The following WNT2 variants were observed in gnomAD, a reference collection of about 807,000 sequenced individuals.
WNT2 encodes the protein Wnt family member 2, also known as protein Wnt-2.
In WNT2, 12 loss-of-function variants were observed where a neutral mutation model predicts 36.9. That is an observed-to-expected ratio of 0.33 (90% confidence interval 0.21 to 0.53). The LOEUF (loss-of-function observed/expected upper bound fraction) is 0.53. Among genes scored for constraint, WNT2 ranks in the 20% least tolerant of loss-of-function variants. WNT2 has a pLI of 0.95. For synonymous variants in WNT2, 163 were observed against 174.6 expected, an observed-to-expected ratio of 0.93 and a Z score of 0.52; for missense variants, 379 against 473.1, an observed-to-expected ratio of 0.80 and a Z score of 1.84.
At chr7:117,299,946 G>A (rs1028637956) in intron 3 of WNT2, among the ~76,000 whole-genome samples, 3 of 152,166 alleles carry the variant, frequency 2.0e-5, no homozygotes, top group South Asian at 4.2e-4. Flanking sequence ...GTGGTGACAG[G>A]ATCATCTGTG....
intron 3 of WNT2, among the ~76,000 whole-genome samples, chr7:117,308,962 T>C (rs1031155337): frequency 5.9e-5 from 9 of 151,568 alleles, no homozygotes; most frequent in African/African-American, 2.2e-4. Context: ...GGCAGGAGGA[T>C]CACTTGGGCC....
At position 117,312,334 on chromosome 7, in the gene WNT2, G is replaced by A. The variant is rs566843460; in HGVS notation, c.588+2737C>T. Among the ~76,000 whole-genome samples, 54 of 152,094 alleles carry A rather than the reference G, an allele frequency of 3.6e-4. 1 individual carries two copies. The East Asian group carries it at 9.1e-3, about 26-fold the overall frequency. ...GCTGAATAGCTGTGGTAGTAGAACT[G>A]CCACACCTGGCTAATTTTTTATATT... On this transcript the variant is annotated intron_variant, in intron 3 of 4. Coordinates refer to ENST00000265441, the MANE Select transcript of WNT2 (RefSeq NM_003391.3).
At chr7:117,287,651 T>G (rs1794610800) in intron 4 of WNT2, among the ~76,000 whole-genome samples, 1 of 152,204 alleles carries the variant, frequency 6.6e-6, no homozygotes, top group Admixed American at 6.5e-5. Context: ...TCAACACATA[T>G]GTGCTGATTT....
intron 4 of WNT2, among the ~76,000 whole-genome samples, chr7:117,286,914 G>T (rs1794591475): frequency 6.6e-6 from 1 of 152,190 alleles, no homozygotes; most frequent in African/African-American, 2.4e-5. Flanking sequence ...ACTCTGTGAG[G>T]CTTTCCATAT....
intron 4 of WNT2, 63 bp downstream of exon 4, chr7:117,297,549 T>C: frequency 6.5e-7 from 1 of 1,540,236 alleles, no homozygotes; most frequent in Non-Finnish European, 8.8e-7. Flanking sequence ...GAACCTCATT[T>C]AAATTGTGGA....
chr7:117,291,516 T>A lies in WNT2; in HGVS notation c.853+6096A>T, dbSNP rs368736152. On this transcript the variant is annotated intron_variant, in intron 4 of 4. Transcript: ENST00000265441. ...CAGATGCCTGGAGCAGTAACCAGAG[T>A]AGATAACTATAGAGCCACCAGGATA... 2.8e-4 allele frequency among the ~76,000 whole-genome samples: 42 copies of A among 152,158 alleles called. No homozygotes were observed. In the South Asian group the frequency reaches 8.7e-3, roughly 32 times the overall value.
chr7:117,299,711 G>T (rs979696830), intron 3 of WNT2, among the ~76,000 whole-genome samples: 1 of 151,954 alleles, frequency 6.6e-6, no homozygotes, highest in Non-Finnish European at 1.5e-5. Flanking sequence ...GCTGAGGCTG[G>T]TCCCTAAGTC....
chr7:117,312,148 TTTTGTTTG>T (rs760888080), intron 3 of WNT2, among the ~76,000 whole-genome samples: 5 of 152,114 alleles, frequency 3.3e-5, no homozygotes, highest in Admixed American at 1.3e-4. Flanking sequence ...GAACTAACTT[TTTTGTTTG>T]TTTGTTTGTT....
intron 4 of WNT2, among the ~76,000 whole-genome samples, chr7:117,279,505 G>A (rs1478769609): frequency 2.6e-5 from 4 of 152,192 alleles, no homozygotes; most frequent in Admixed American, 2.6e-4. Context: ...CCACTTAGTT[G>A]CTGTTGGCAG....
intron 3 of WNT2, among the ~76,000 whole-genome samples, chr7:117,311,570 A>T (rs1333724537): frequency 6.6e-6 from 1 of 152,258 alleles, no homozygotes; most frequent in Non-Finnish European, 1.5e-5. Flanking sequence ...AACATTTGAC[A>T]GTATTTTATC....
intron 4 of WNT2, among the ~76,000 whole-genome samples, chr7:117,281,858 C>T (rs930528535): frequency 3.3e-5 from 5 of 151,902 alleles, no homozygotes; most frequent in Admixed American, 2.0e-4. Flanking sequence ...CTGGCGCCCT[C>T]GATGAGAGCA....
intron 3 of WNT2, among the ~76,000 whole-genome samples, chr7:117,304,819 A>G (rs915547982): frequency 1.3e-5 from 2 of 152,068 alleles, no homozygotes; most frequent in African/African-American, 4.8e-5. Context: ...GTTTTCTCTC[A>G]TCTTTTCAAT....
At chr7:117,311,749 G>T (rs1795125912) in intron 3 of WNT2, among the ~76,000 whole-genome samples, 1 of 152,104 alleles carries the variant, frequency 6.6e-6, no homozygotes. Flanking sequence ...TCACAAAAGG[G>T]AAAGGAACTT....
At chr7:117,279,498 C>G (rs1025397351) in intron 4 of WNT2, among the ~76,000 whole-genome samples, 3 of 152,186 alleles carry the variant, frequency 2.0e-5, no homozygotes, top group African/African-American at 7.2e-5. Flanking sequence ...ACTATTGCCA[C>G]TTAGTTGCTG....
intron 3 of WNT2, among the ~76,000 whole-genome samples, chr7:117,301,612 T>A (rs577932680): frequency 6.6e-4 from 100 of 152,284 alleles, no homozygotes; most frequent in Non-Finnish European, 1.2e-3. Context: ...TCTATGCTTA[T>A]GAAAACCTGC....
chr7:117,289,945 T>C (rs937181166), intron 4 of WNT2, among the ~76,000 whole-genome samples: 4 of 152,132 alleles, frequency 2.6e-5, no homozygotes, highest in African/African-American at 9.7e-5. Context: ...GTGTAAGGAA[T>C]GACTCGCAGG....
In WNT2 at chr7:117,278,068, C is replaced by A; in HGVS notation, c.*87G>T. The A allele has an allele frequency of 6.9e-7, 1 of 1,457,104 alleles. No homozygotes were observed. Among genetic ancestry groups the A allele is most frequent in the Non-Finnish European group, 9.5e-7 (1 of 1,053,950 alleles). 90.3% of individuals were successfully genotyped at this position (1,457,104 alleles called of 1,614,324 possible). ...AGGCCACATGCCTTAGGAAATATCC[C>A]CCCAGAAAGAACCCAAAGGTCCAGT... is the stretch of plus-strand genomic sequence containing the variant. On this transcript the variant is annotated 3_prime_UTR_variant, in exon 5 of 5. Coordinates refer to ENST00000265441, the MANE Select transcript of WNT2 (RefSeq NM_003391.3).
intron 4 of WNT2, among the ~76,000 whole-genome samples, 195 bp downstream of exon 4, chr7:117,297,417 A>G (rs1262450382): frequency 6.6e-6 from 1 of 151,960 alleles, no homozygotes; most frequent in East Asian, 1.9e-4. Context: ...CAATCTGCCC[A>G]TTTCGGCCTC....
chr7:117,292,113 C>T (rs1017327478), intron 4 of WNT2, among the ~76,000 whole-genome samples: 7 of 152,124 alleles, frequency 4.6e-5, no homozygotes, highest in African/African-American at 1.2e-4. Flanking sequence ...AAGGCATTGA[C>T]GCTTTTGAAA....
Sources: gnomAD v4.1 joint callset for allele counts (sites outside exome capture counted in the v4.1 genomes callset) on GRCh38, gnomAD v4.1.1 for gene constraint, MANE v1.5 for transcripts, NCBI Gene and HGNC (gene_info 2026-07-23, HGNC 2026-07-21) for gene names.